Variants in PRSS57 observed in about 807,000 individuals in gnomAD.
PRSS57 encodes the protein serine protease 57.
A neutral mutation model predicts 20.6 loss-of-function variants in PRSS57; 19 were observed. The ratio of observed to expected loss-of-function variants is 0.92; its 90% confidence interval spans 0.64 to 1.35. The LOEUF (loss-of-function observed/expected upper bound fraction) is 1.35. Among genes scored for constraint, PRSS57 ranks in the 40% most tolerant of loss-of-function variants. The probability of loss-of-function intolerance (pLI) is 0.00; values close to 1 mark genes in which losing one functional copy is unlikely to be tolerated. For synonymous variants in PRSS57, 203 were observed against 176.6 expected (o/e 1.15, Z -1.19); for missense variants, 440 against 403.7 (o/e 1.09, Z -0.77).
Position 694,924 on chromosome 19 carries a change from G to C in PRSS57, c.123C>G (p.Pro41=). The change falls in exon 2 of 5, where the codon CCC becomes CCG. Residue 41 remains proline, a synonymous_variant. Transcript: ENST00000329267. The part of the protein sequence containing the change: ...AQIIGGHEVT[P]HSRPYMASVR... ...CGGATGCCATGTAGGGCCTGGAGTG[G>C]GGGGTCACCTCGTGGCCCCCGATGA... 6.3e-7 allele frequency: 1 copy of C among 1,589,492 alleles called. No individual in the cohort carries two copies. Among genetic ancestry groups the C allele is most frequent in the Non-Finnish European group, 8.6e-7 (1 of 1,167,806 alleles).
At position 691,997 on chromosome 19, in the gene PRSS57, AG is replaced by A; in HGVS notation, c.238del (p.Leu80SerfsTer13). 1.5e-6 allele frequency: 2 copies of A among 1,319,122 alleles called. No individual in the cohort carries two copies. The highest frequency in any genetic ancestry group is 2.0e-6 in the Non-Finnish European group (2 of 1,025,488). 81.7% of individuals were successfully genotyped at this position (1,319,122 alleles called of 1,614,324 possible). A position where few individuals can be genotyped will look rare whatever the true frequency, so the allele number is the denominator to read the frequency against. ...SAAHCFSHRD[L>X]RTGLVVLGAH... ...GCCCAGCACCACCAGGCCAGTGCGGAGGTCTCTGCAGGGAGGAGGTGGTGGG... is the reference window on the plus strand; with the variant it reads ...GCCCAGCACCACCAGGCCAGTGCGGAGTCTCTGCAGGGAGGAGGTGGTGGG... On this transcript the variant is annotated frameshift_variant, in exon 3 of 5. Transcript: ENST00000329267. LOFTEE classifies it high-confidence loss of function.
intron 3 of PRSS57, among the ~76,000 whole-genome samples, chr19:691,592 G>A (rs1277071572): frequency 6.6e-6 from 1 of 151,502 alleles, no homozygotes; most frequent in East Asian, 1.9e-4. Context: ...GGCCGAGGCA[G>A]GTGGATCATT....
chr19:693,704 G>A (rs1041527074), intron 2 of PRSS57, among the ~76,000 whole-genome samples: 2 of 151,666 alleles, frequency 1.3e-5, no homozygotes, highest in Non-Finnish European at 2.9e-5. Flanking sequence ...GAGTAGCTGG[G>A]GATACGTACA....
At chr19:692,897 A>G (rs928690501) in intron 2 of PRSS57, among the ~76,000 whole-genome samples, 1 of 151,718 alleles carries the variant, frequency 6.6e-6, no homozygotes, top group African/African-American at 2.4e-5. Context: ...AATATTAACT[A>G]CAGTAATTTC....
Position 691,945 on chromosome 19 carries a change from G to C in PRSS57, c.291C>G (p.Pro97=). The C allele has an allele frequency of 7.5e-7, 1 of 1,332,300 alleles. No individual in the cohort carries two copies. Among genetic ancestry groups the C allele is most frequent in the Non-Finnish European group, 9.7e-7 (1 of 1,031,654 alleles). 82.5% of individuals were successfully genotyped at this position (1,332,300 alleles called of 1,614,324 possible). A position where few individuals can be genotyped will look rare whatever the true frequency, so the allele number is the denominator to read the frequency against. Residue 97 remains proline, a synonymous_variant, in exon 3 of 5, where the codon CCC becomes CCG. Coordinates refer to ENST00000329267, the MANE Select transcript of PRSS57 (RefSeq NM_001308209.2). ...LGAHVLSTAE[P]TQQVFGIDAL... The stretch of plus-strand genomic sequence containing the variant: ...CATCGATGCCAAACACCTGCTGGGT[G>C]GGCTCCGCAGTACTCAGGACGTGGG...
chr19:687,164 G>A lies in PRSS57; in HGVS notation c.403C>T (p.Pro135Ser). The A allele has an allele frequency of 6.3e-7, 1 of 1,580,472 alleles. No individual in the cohort carries two copies. Among genetic ancestry groups the A allele is most frequent in the Non-Finnish European group, 8.6e-7 (1 of 1,162,518 alleles). Residue 135 changes from proline to serine, a missense_variant, in exon 4 of 5, where the codon CCT (proline) becomes TCT (serine). Physicochemically the swap from Pro to Ser is moderately conservative, Grantham distance 74. Coordinates refer to ENST00000329267, the MANE Select transcript of PRSS57 (RefSeq NM_001308209.2). ...LRLNGSAVLG[P>S]AVGLLRPPGR... ...GGCGGCCTCAGCAGCCCCACTGCAGGGCCCAGGACAGCAGAGCCGTTCAGC... is the reference window on the plus strand; with the variant it reads ...GGCGGCCTCAGCAGCCCCACTGCAGAGCCCAGGACAGCAGAGCCGTTCAGC...
At chr19:694,316 C>T (rs1005224188) in intron 2 of PRSS57, among the ~76,000 whole-genome samples, 1 of 151,644 alleles carries the variant, frequency 6.6e-6, no homozygotes, top group Non-Finnish European at 1.5e-5. Context: ...ACCTGCAATC[C>T]CAGCACTTTG....
At chr19:695,001 CG>C in intron 1 of PRSS57, 34 bp from the exon 2 acceptor site, 1 of 1,483,266 alleles carries the variant, frequency 6.7e-7, no homozygotes. Flanking sequence ...AGGGACGAGG[CG>C]GGAGGAACGG....
At chr19:691,644 A>T (rs2031650116) in intron 3 of PRSS57, among the ~76,000 whole-genome samples, 2 of 151,008 alleles carry the variant, frequency 1.3e-5, no homozygotes, top group African/African-American at 4.9e-5. Flanking sequence ...ACATGGTGAA[A>T]CCCCGTCTCT....
chr19:687,006 G>A lies in PRSS57; in HGVS notation c.561C>T (p.Cys187=), dbSNP rs145676233. 6.2e-7 allele frequency: 1 copy of A among 1,614,096 alleles called. No homozygotes were observed. Among genetic ancestry groups the A allele is most frequent in the African/African-American group, 1.3e-5 (1 of 75,060 alleles). ...AKVRVLDPDV[C]NSSWKGHLTL... ...TCAGGTGGCCCTTCCAGGAGCTGTT[G>A]CAGACGTCCGGGTCCAGCACTCGGA... The change falls in exon 4 of 5, where the codon TGC becomes TGT. Residue 187 remains cysteine (C), a synonymous_variant. Transcript: ENST00000329267.
intron 3 of PRSS57, chr19:690,859 G>A (rs2031625136): frequency 2.8e-6 from 1 of 357,662 alleles, no homozygotes. Context: ...CTGGCAAGGT[G>A]ACAGGCCGCT....
At chr19:687,293 A>G in intron 3 of PRSS57, 105 bp from the exon 4 acceptor site, 1 of 1,318,254 alleles carries the variant, frequency 7.6e-7, no homozygotes, top group Non-Finnish European at 1.0e-6. Context: ...AAGCAAAATC[A>G]ATGGCGGCCA....
In PRSS57 at chr19:695,352, C is replaced by G. The variant is rs374824335; in HGVS notation, c.79G>C (p.Gly27Arg). ...GTGGGGATCCCGGGGGGCTCCTCAC[C>G]GGGGGGCTTCACGGGCAGCATCAGG... ...TALMLPVKPP[G>R]SWGAQIIGGH... The change falls in exon 1 of 5, where the codon GGC becomes CGC. Residue 27 changes from glycine (G) to arginine (R), a missense_variant and splice_region_variant. Gly to Arg is a moderately radical substitution (Grantham distance 125). Coordinates refer to ENST00000329267, the MANE Select transcript of PRSS57 (RefSeq NM_001308209.2). 1 of 1,269,640 alleles carries G rather than the reference C, an allele frequency of 7.9e-7. No individual in the cohort carries two copies. The highest frequency in any genetic ancestry group is 1.0e-6 in the Non-Finnish European group (1 of 1,003,536). The allele number at this position is 1,269,640 out of a possible 1,614,324, so 78.6% of individuals were successfully genotyped here.
At position 687,083 on chromosome 19, in the gene PRSS57, C is replaced by T. The variant is rs2031499813; in HGVS notation, c.484G>A (p.Gly162Ser). The T allele has an allele frequency of 3.7e-6, 6 of 1,613,802 alleles. No homozygotes were observed. Among genetic ancestry groups the T allele is most frequent in the Non-Finnish European group, 5.1e-6 (6 of 1,179,994 alleles). Residue 162 changes from glycine (G) to serine (S), a missense_variant, in exon 4 of 5, where the codon GGC (glycine) becomes AGC (serine). By Grantham distance (56) the Gly-to-Ser change is moderately conservative (BLOSUM62 0). Transcript: ENST00000329267. ...AGTRCRVAGW[G>S]FVSDFEELPP... is the part of the protein sequence containing the mutation. The stretch of plus-strand genomic sequence containing the variant: ...AGCTCCTCAAAGTCAGACACGAAGC[C>T]CCAGCCAGCCACCCGGCACCGTGTC...
intron 3 of PRSS57, chr19:690,744 A>G: frequency 5.5e-6 from 2 of 363,886 alleles, no homozygotes; most frequent in East Asian, 6.8e-5. Context: ...TGCTCCAAGG[A>G]GGTAGCCACT....
intron 4 of PRSS57, among the ~76,000 whole-genome samples, chr19:686,721 C>T (rs549625957): frequency 2.0e-5 from 3 of 152,138 alleles, no homozygotes; most frequent in Admixed American, 6.5e-5. Context: ...GTGCTTGGCT[C>T]TTTGTGCAGT....
chr19:687,022 A>T lies in PRSS57; in HGVS notation c.545T>A (p.Leu182Gln). The change falls in exon 4 of 5, where the codon CTG becomes CAG. Residue 182 changes from leucine to glutamine, a missense_variant. Leu to Gln is a moderately radical substitution (Grantham distance 113). Transcript: ENST00000329267. ...PGLMEAKVRV[L>Q]DPDVCNSSWK... ...GGAGCTGTTGCAGACGTCCGGGTCCAGCACTCGGACCTTGGCCTCCATCAG... is the reference window on the plus strand; with the variant it reads ...GGAGCTGTTGCAGACGTCCGGGTCCTGCACTCGGACCTTGGCCTCCATCAG... 1.2e-6 allele frequency: 2 copies of T among 1,614,086 alleles called. No individual in the cohort carries two copies. The highest frequency in any genetic ancestry group is 1.7e-6 in the Non-Finnish European group (2 of 1,180,016).
intron 3 of PRSS57, chr19:691,193 A>G (rs1427691870): frequency 5.8e-6 from 1 of 171,978 alleles, no homozygotes; most frequent in African/African-American, 2.4e-5. Flanking sequence ...TACACGAAAA[A>G]TAAAGTGAAT....
At chr19:693,822 C>T (rs768568742) in intron 2 of PRSS57, among the ~76,000 whole-genome samples, 4 of 152,092 alleles carry the variant, frequency 2.6e-5, no homozygotes, top group South Asian at 4.1e-4. Context: ...TCACTGAAAG[C>T]GCCGCCTCCC....
Sources: gnomAD v4.1 joint callset for allele counts (sites outside exome capture counted in the v4.1 genomes callset) on GRCh38, gnomAD v4.1.1 for gene constraint, MANE v1.5 for transcripts, NCBI Gene and HGNC (gene_info 2026-07-23, HGNC 2026-07-21) for gene names.